The following TNNI3K variants were observed in gnomAD, a reference collection of about 807,000 sequenced individuals.
TNNI3K encodes the protein TNNI3 interacting kinase.
TNNI3K carries 140 observed loss-of-function variants against 114.5 expected under a neutral mutation model. The observed-to-expected ratio is 1.22, with a 90% confidence interval of 1.07 to 1.41. The LOEUF is 1.41. TNNI3K is among the 40% of genes most tolerant of loss of function. The probability of loss-of-function intolerance (pLI) is 0.00; values close to 1 mark genes in which losing one functional copy is unlikely to be tolerated. For missense variants in TNNI3K, 1,125 were observed against 1,007.6 expected (o/e 1.12, Z -1.58); for synonymous variants, 347 against 347.5 (o/e 1.00, Z 0.02).
Position 74,463,449 on chromosome 1 carries a change from G to A in TNNI3K, c.2020G>A (p.Ala674Thr). Residue 674 changes from alanine to threonine, a missense_variant, in exon 21 of 25, where the codon GCA becomes ACA. By Grantham distance (58) the Ala-to-Thr change is moderately conservative. Coordinates refer to ENST00000326637, the MANE Select transcript of TNNI3K (RefSeq NM_015978.3). ...PFAHLKPAAA[A>T]ADMAYHHIRP... ...GACCATTTGGTTTGCAGCGGCTGCG[G>A]CAGCAGACATGGCTTACCACCACAT... 6.2e-7 allele frequency: 1 copy of A among 1,614,166 alleles called. No individual in the cohort carries two copies. Among genetic ancestry groups the A allele is most frequent in the Non-Finnish European group, 8.5e-7 (1 of 1,180,030 alleles).
At chr1:74,446,537 T>G (rs1049830812) in intron 20 of TNNI3K, among the ~76,000 whole-genome samples, 1 of 148,276 alleles carries the variant, frequency 6.7e-6, no homozygotes, top group Non-Finnish European at 1.5e-5. Context: ...AGAAGCTCTT[T>G]ATTTTAATTA....
chr1:74,479,664 G>A (rs1407146309), intron 21 of TNNI3K, among the ~76,000 whole-genome samples: 1 of 152,060 alleles, frequency 6.6e-6, no homozygotes, highest in Non-Finnish European at 1.5e-5. Context: ...GCATCTCTTC[G>A]TCCATCTGTG....
chr1:74,391,954 A>ATTTTT (rs1557539031), intron 17 of TNNI3K, among the ~76,000 whole-genome samples: 2 of 93,256 alleles, frequency 2.1e-5, no homozygotes, highest in African/African-American at 1.1e-4. Context: ...GGTACAGCTT[A>ATTTTT]TTATTTTTTT....
Position 74,369,440 on chromosome 1 carries a change from C to G in TNNI3K, c.1522C>G (p.Arg508Gly). ...CSKSDVDMFCREVSILCQLNH... is the reference protein window; with the variant it reads ...CSKSDVDMFCGEVSILCQLNH... ...CAAGTCAGATGTGGATATGTTTTGC[C>G]GAGAGGTGTCCATTCTCTGCCAGCT... The change falls in exon 16 of 25, where the codon CGA (arginine) becomes GGA (glycine). Residue 508 changes from arginine to glycine, a missense_variant. Transcript: ENST00000326637. The G allele has an allele frequency of 1.9e-6, 3 of 1,612,220 alleles. No individual in the cohort carries two copies. The highest frequency in any genetic ancestry group is 2.5e-6 in the Non-Finnish European group (3 of 1,179,048).
intron 21 of TNNI3K, 21 bp from the exon 22 acceptor site, chr1:74,489,168 A>G (rs532782253): frequency 1.3e-6 from 2 of 1,598,372 alleles, no homozygotes; most frequent in East Asian, 4.5e-5. Flanking sequence ...AAGGGAAAAA[A>G]GTTCTTTTTT....
At chr1:74,296,204 A>G (rs1657973556) in intron 5 of TNNI3K, among the ~76,000 whole-genome samples, 1 of 151,550 alleles carries the variant, frequency 6.6e-6, no homozygotes, top group Non-Finnish European at 1.5e-5. Flanking sequence ...TGAACCTGGG[A>G]GGTGGAGCTT....
Position 74,348,805 on chromosome 1 carries a change from A to G in TNNI3K, c.933-4461A>G, listed in dbSNP as rs571407448. 7.8e-4 allele frequency among the ~76,000 whole-genome samples: 119 copies of G among 152,028 alleles called. 1 individual carries two copies. The South Asian group carries it at 0.024, about 31-fold the overall frequency. On this transcript the variant is annotated intron_variant, in intron 9 of 24. Transcript: ENST00000326637. ...TGATTTGGCTCTCTGTTTGTCTGTT[A>G]TTGGTGTATAAGAATGCTTGTGATT...
chr1:74,487,999 G>A (rs1406041531), intron 21 of TNNI3K, among the ~76,000 whole-genome samples: 1 of 152,148 alleles, frequency 6.6e-6, no homozygotes, highest in Non-Finnish European at 1.5e-5. Flanking sequence ...AAAGGAGTTT[G>A]GAGGACAAGC....
intron 21 of TNNI3K, among the ~76,000 whole-genome samples, chr1:74,478,219 G>A (rs1402118545): frequency 6.6e-6 from 1 of 152,064 alleles, no homozygotes; most frequent in Non-Finnish European, 1.5e-5. Flanking sequence ...TCTTTTTAAA[G>A]AAGAATCTCT....
At chr1:74,303,259 T>C (rs1658433234) in intron 5 of TNNI3K, among the ~76,000 whole-genome samples, 1 of 152,158 alleles carries the variant, frequency 6.6e-6, no homozygotes, top group African/African-American at 2.4e-5. Flanking sequence ...AGTGGCATGA[T>C]CTTGGCTCAC....
intron 11 of TNNI3K, among the ~76,000 whole-genome samples, chr1:74,362,201 T>A (rs1375333933): frequency 1.3e-5 from 2 of 152,140 alleles, no homozygotes; most frequent in Non-Finnish European, 2.9e-5. Context: ...TCAATGCTTC[T>A]GGAAAGTGAG....
chr1:74,530,922 C>A (rs1164606591), intron 23 of TNNI3K, among the ~76,000 whole-genome samples: 3 of 152,000 alleles, frequency 2.0e-5, no homozygotes, highest in Non-Finnish European at 4.4e-5. Flanking sequence ...ACTGTTGAGC[C>A]TATTAATAAT....
intron 2 of TNNI3K, among the ~76,000 whole-genome samples, chr1:74,241,276 A>G (rs576218603): frequency 7.9e-5 from 12 of 152,302 alleles, no homozygotes; most frequent in South Asian, 2.1e-4. Flanking sequence ...ATGTTTTATA[A>G]TCCTTTGGGT....
At chr1:74,423,529 A>G (rs1665495729) in intron 17 of TNNI3K, among the ~76,000 whole-genome samples, 1 of 152,160 alleles carries the variant, frequency 6.6e-6, no homozygotes, top group African/African-American at 2.4e-5. Flanking sequence ...ACACTTTATC[A>G]AATGTGTGAC....
intron 5 of TNNI3K, among the ~76,000 whole-genome samples, chr1:74,282,013 T>C (rs1657045244): frequency 1.3e-5 from 2 of 152,208 alleles, no homozygotes; most frequent in Non-Finnish European, 1.5e-5. Context: ...TTGGTCATGG[T>C]ACATTATTCC....
chr1:74,286,680 C>T (rs924428903), intron 5 of TNNI3K, among the ~76,000 whole-genome samples: 14 of 151,314 alleles, frequency 9.3e-5, no homozygotes, highest in Non-Finnish European at 1.8e-4. Context: ...CCTGAGGACT[C>T]CCGTGGCAAG....
chr1:74,440,101 A>G (rs1666310920), intron 20 of TNNI3K, among the ~76,000 whole-genome samples: 1 of 152,054 alleles, frequency 6.6e-6, no homozygotes, highest in African/African-American at 2.4e-5. Context: ...ATATGCATAT[A>G]TATATATATG....
intron 20 of TNNI3K, among the ~76,000 whole-genome samples, chr1:74,445,722 T>A (rs1666622744): frequency 6.7e-6 from 1 of 149,966 alleles, no homozygotes; most frequent in South Asian, 2.1e-4. Flanking sequence ...GCCATTCTCC[T>A]GCCTCAGCCT....
At chr1:74,334,555 A>T (rs1193385462) in intron 6 of TNNI3K, among the ~76,000 whole-genome samples, 1 of 152,154 alleles carries the variant, frequency 6.6e-6, no homozygotes, top group Non-Finnish European at 1.5e-5. Flanking sequence ...AAGTTTACAG[A>T]AGTTATTTGG....
Sources: allele counts gnomAD v4.1 joint callset (sites outside exome capture counted in the v4.1 genomes callset), GRCh38; gene constraint gnomAD v4.1.1; transcripts MANE v1.5; gene names NCBI Gene and HGNC (gene_info 2026-07-23, HGNC 2026-07-21).